RANBP2: variants seen among roughly 807,000 people sequenced by gnomAD.
The protein encoded by RANBP2 is E3 SUMO-protein ligase RanBP2.
A neutral mutation model predicts 303.6 loss-of-function variants in RANBP2; 57 were observed. That is an observed-to-expected ratio of 0.19 (90% CI 0.15 to 0.23). The LOEUF is 0.23. RANBP2 is among the 10% of genes least tolerant of loss of function. RANBP2 has a pLI of 1.00. For synonymous variants in RANBP2, 1,167 were observed against 1,301.5 expected, an observed-to-expected ratio of 0.90 and a Z score of 2.23; for missense variants, 3,138 against 3,780.8, an observed-to-expected ratio of 0.83 and a Z score of 4.46.
the RANBP2 span, among the ~76,000 whole-genome samples, chr2:109,120,129 T>A: frequency 1.3e-5 from 2 of 152,256 alleles, no homozygotes; most frequent in East Asian, 3.9e-4. Flanking sequence ...AACTTCAGGA[T>A]GTGACTACCC....
chr2:109,474,611 G>GT, the RANBP2 span, among the ~76,000 whole-genome samples: 1 of 152,144 alleles, frequency 6.6e-6, no homozygotes, highest in Admixed American at 6.5e-5. Flanking sequence ...GGTTTGGGCA[G>GT]GGGGGGAGAA....
the RANBP2 span, among the ~76,000 whole-genome samples, chr2:109,034,576 T>G: frequency 6.6e-6 from 1 of 152,212 alleles, no homozygotes; most frequent in East Asian, 1.9e-4. Context: ...GGAGCCACCA[T>G]GTAAGCAAAT....
the RANBP2 span, among the ~76,000 whole-genome samples, chr2:109,392,358 G>C: frequency 6.6e-6 from 1 of 152,182 alleles, no homozygotes; most frequent in Non-Finnish European, 1.5e-5. Context: ...GTGTAACTTG[G>C]AACAGGTCAC....
At chr2:108,754,771 C>T (rs188359195) in intron 15 of RANBP2, 134 bp from the exon 16 acceptor site, 59 of 1,085,092 alleles carry the variant, frequency 5.4e-5, no homozygotes, top group South Asian at 4.4e-4. Context: ...AACACTTTCA[C>T]GTGTATTATT....
the RANBP2 span, among the ~76,000 whole-genome samples, chr2:109,301,582 C>T: frequency 5.0e-3 from 767 of 152,230 alleles, 10 homozygotes; most frequent in African/African-American, 0.017. Context: ...CTAGTGTCTA[C>T]GCTACCACCG....
At chr2:108,872,171 T>A in the RANBP2 span, among the ~76,000 whole-genome samples, 3 of 152,226 alleles carry the variant, frequency 2.0e-5, no homozygotes, top group African/African-American at 7.2e-5. Flanking sequence ...CAGACATTCA[T>A]TGTTGCCTCG....
chr2:108,727,175 G>A (rs1221610992), intron 1 of RANBP2, among the ~76,000 whole-genome samples: 7 of 152,052 alleles, frequency 4.6e-5, no homozygotes, highest in African/African-American at 1.2e-4. Context: ...GGTGGTGGCC[G>A]GGCAGAGGGG....
At chr2:109,614,812 G>T in the RANBP2 span, 2 of 1,453,906 alleles carry the variant, frequency 1.4e-6, no homozygotes, top group Admixed American at 2.7e-5. Flanking sequence ...GCCCCCGACG[G>T]CCCTGCCGGG....
chr2:109,073,562 G>A, the RANBP2 span, among the ~76,000 whole-genome samples: 3 of 150,096 alleles, frequency 2.0e-5, no homozygotes, highest in East Asian at 1.9e-4. Context: ...CCAGCTACTC[G>A]GGAGGCTGAG....
At chr2:109,156,017 C>T in the RANBP2 span, among the ~76,000 whole-genome samples, 2 of 152,234 alleles carry the variant, frequency 1.3e-5, no homozygotes, top group Non-Finnish European at 2.9e-5. Context: ...CCATGCTTCC[C>T]ACTGGGGTCA....
the RANBP2 span, among the ~76,000 whole-genome samples, chr2:109,451,856 G>C: frequency 6.6e-6 from 1 of 152,232 alleles, no homozygotes; most frequent in African/African-American, 2.4e-5. Context: ...AAGTGCGTAG[G>C]CCACGCTTGG....
At chr2:109,630,421 T>C in the RANBP2 span, among the ~76,000 whole-genome samples, 54,650 of 152,000 alleles carry the variant, frequency 0.36, 11,632 homozygotes, top group Middle Eastern at 0.57. Context: ...GGACCATCCC[T>C]AGAGTCTAGA....
At chr2:109,207,579 G>A in the RANBP2 span, among the ~76,000 whole-genome samples, 2 of 152,160 alleles carry the variant, frequency 1.3e-5, no homozygotes, top group African/African-American at 4.8e-5. Flanking sequence ...GTGCTATTAA[G>A]ATATTGAAAT....
At chr2:109,075,169 G>GA in the RANBP2 span, among the ~76,000 whole-genome samples, 1 of 150,062 alleles carries the variant, frequency 6.7e-6, no homozygotes, top group African/African-American at 2.4e-5. Flanking sequence ...GATCAGAGCA[G>GA]AAATAAGTAG....
chr2:109,331,086 C>T, the RANBP2 span, among the ~76,000 whole-genome samples: 11 of 152,200 alleles, frequency 7.2e-5, no homozygotes, highest in Admixed American at 7.2e-4. Context: ...CTTTTCCTTC[C>T]AGCATAGCAG....
At chr2:108,777,086 C>A in intron 24 of RANBP2, 44 bp from the exon 25 acceptor site, 1 of 1,545,168 alleles carries the variant, frequency 6.5e-7, no homozygotes, top group Non-Finnish European at 8.9e-7. Flanking sequence ...CTTTGATATT[C>A]AGCACAAATT....
the RANBP2 span, among the ~76,000 whole-genome samples, chr2:109,414,759 G>A: frequency 2.0e-5 from 3 of 152,272 alleles, no homozygotes; most frequent in South Asian, 6.2e-4. Flanking sequence ...GGCCTCTGTG[G>A]TCTCTTGTTC....
chr2:109,189,316 C>G, the RANBP2 span, among the ~76,000 whole-genome samples: 1 of 152,044 alleles, frequency 6.6e-6, no homozygotes, highest in Non-Finnish European at 1.5e-5. Context: ...CTGACACCCC[C>G]CACCATCTAC....
chr2:109,583,434 T>A, the RANBP2 span, among the ~76,000 whole-genome samples: 3 of 152,064 alleles, frequency 2.0e-5, no homozygotes, highest in Admixed American at 6.6e-5. Flanking sequence ...AAAACCACAA[T>A]GAGATACCAT....
Sources: allele counts gnomAD v4.1 joint callset (sites outside exome capture counted in the v4.1 genomes callset), GRCh38; gene constraint gnomAD v4.1.1; transcripts MANE v1.5; gene names NCBI Gene and HGNC (gene_info 2026-07-23, HGNC 2026-07-21).